PAFAH1B2: variants seen among roughly 807,000 people sequenced by gnomAD.
PAFAH1B2 encodes platelet activating factor acetylhydrolase 1b catalytic subunit 2.
Under a neutral mutation model 28.0 loss-of-function variants are expected in PAFAH1B2, and 8 were observed. That is an observed-to-expected ratio of 0.29 (90% confidence interval 0.17 to 0.52). PAFAH1B2 has a LOEUF of 0.52. PAFAH1B2 is among the 20% of genes least tolerant of loss of function. The pLI is 0.97. For synonymous variants in PAFAH1B2, 104 were observed against 103.2 expected (o/e 1.01, Z -0.05); for missense variants, 190 against 282.6 (o/e 0.67, Z 2.35).
downstream of PAFAH1B2, chr11:117,174,850 G>C: frequency 2.3e-6 from 3 of 1,320,020 alleles, no homozygotes; most frequent in South Asian, 2.8e-5. Context: ...CCTGACTTCA[G>C]ATGATCCAAC....
downstream of PAFAH1B2, chr11:117,171,112 C>T (rs985680294): frequency 2.1e-5 from 21 of 980,568 alleles, no homozygotes; most frequent in African/African-American, 3.5e-4. Context: ...GATGGTTTTT[C>T]CCTGCCTTAT....
At chr11:117,163,068 G>A (rs936929410) in intron 4 of PAFAH1B2, among the ~76,000 whole-genome samples, 3 of 152,160 alleles carry the variant, frequency 2.0e-5, no homozygotes, top group Non-Finnish European at 2.9e-5. Context: ...CCTGCTGCAT[G>A]ATGATATAAT....
At chr11:117,162,441 A>C (rs1591747084) in intron 4 of PAFAH1B2, among the ~76,000 whole-genome samples, 1 of 113,960 alleles carries the variant, frequency 8.8e-6, no homozygotes. Flanking sequence ...ACCATGCGAG[A>C]CTGTGATTTT....
chr11:117,175,206 T>C (rs2029907003), downstream of PAFAH1B2: 2 of 1,103,974 alleles, frequency 1.8e-6, no homozygotes, highest in Non-Finnish European at 2.2e-6. Context: ...GGGAATGCGG[T>C]AGCTGGACCT....
downstream of PAFAH1B2, among the ~76,000 whole-genome samples, chr11:117,177,626 G>A (rs540831167): frequency 2.0e-4 from 31 of 152,352 alleles, no homozygotes; most frequent in South Asian, 6.4e-3. Context: ...CCTCCGCCTG[G>A]TAGAGTTAAG....
downstream of PAFAH1B2, among the ~76,000 whole-genome samples, chr11:117,172,384 ATATATATATATATATATATATTT>A (rs1452157548): frequency 3.6e-3 from 7 of 1,958 alleles, no homozygotes; most frequent in East Asian, 0.083. Flanking sequence ...ATATATATAT[ATATATATATATATATATATATTT>A]TTTTTTTTTT....
intron 2 of PAFAH1B2, among the ~76,000 whole-genome samples, chr11:117,158,230 A>G: frequency 6.6e-6 from 1 of 152,024 alleles, no homozygotes; most frequent in Non-Finnish European, 1.5e-5. Flanking sequence ...TTCATAGTGA[A>G]GGGGTCTCAT....
chr11:117,171,552 TAC>T (rs200906803), downstream of PAFAH1B2: 1,495 of 544,222 alleles, frequency 2.7e-3, 11 homozygotes, highest in Middle Eastern at 0.029. Context: ...AAAAAAAAAA[TAC>T]AGTGTTACTA....
chr11:117,173,395 T>C (rs562282641), downstream of PAFAH1B2, among the ~76,000 whole-genome samples: 1 of 152,322 alleles, frequency 6.6e-6, no homozygotes, highest in African/African-American at 2.4e-5. Flanking sequence ...CCACTGTGAG[T>C]ACTTAGGACA....
rs942713909 is a variant in PAFAH1B2, at chr11:117,168,606, A to C, written c.*907A>C. 1 of 1,062,972 alleles carries C rather than the reference A, an allele frequency of 9.4e-7. No individual in the cohort carries two copies. Among genetic ancestry groups the C allele is most frequent in the Non-Finnish European group, 1.1e-6 (1 of 878,162 alleles). 65.8% of individuals were successfully genotyped at this position (1,062,972 alleles called of 1,614,324 possible). ...ATTCTTGTGTGGTGTTCTGTGCTAT[A>C]GATTCTGTGTATTGCTGTTCATATT... On this transcript the variant is annotated 3_prime_UTR_variant, in exon 6 of 6. Coordinates refer to ENST00000527958, the MANE Select transcript of PAFAH1B2 (RefSeq NM_002572.4).
chr11:117,169,797 T>C lies in PAFAH1B2; in HGVS notation c.*2098T>C. 9.5e-7 allele frequency: 1 copy of C among 1,056,006 alleles called. No individual in the cohort carries two copies. The highest frequency in any genetic ancestry group is 4.6e-5 in the South Asian group (1 of 21,912). 65.4% of individuals were successfully genotyped at this position (1,056,006 alleles called of 1,614,324 possible). The stretch of plus-strand genomic sequence containing the variant: ...CAAGAAGAATTAAGCCAGATTTTTG[T>C]GTGTGGAAAGACAGTTTTCTATCCA... On this transcript the variant is annotated 3_prime_UTR_variant, in exon 6 of 6. Transcript: ENST00000527958.
At chr11:117,172,367 TA>T (rs1956670694), downstream of PAFAH1B2, among the ~76,000 whole-genome samples, 1 of 1,294 alleles carries the variant, frequency 7.7e-4, no homozygotes, top group Non-Finnish European at 1.8e-3. Context: ...TATATATATA[TA>T]TATATATATA....
downstream of PAFAH1B2, among the ~76,000 whole-genome samples, chr11:117,171,211 T>C (rs1228481787): frequency 6.6e-6 from 1 of 152,154 alleles, no homozygotes; most frequent in Admixed American, 6.5e-5. Context: ...TTCTCGGGCA[T>C]GTAGATTGGT....
At chr11:117,153,121 A>G (rs1334465555) in intron 2 of PAFAH1B2, among the ~76,000 whole-genome samples, 2 of 152,342 alleles carry the variant, frequency 1.3e-5, no homozygotes, top group African/African-American at 2.4e-5. Context: ...GACAGGTTGT[A>G]CAAAGGGGGA....
chr11:117,156,721 G>A (rs961473923), intron 2 of PAFAH1B2, among the ~76,000 whole-genome samples: 2 of 152,076 alleles, frequency 1.3e-5, no homozygotes, highest in Non-Finnish European at 2.9e-5. Context: ...TATTTTATTG[G>A]TGTTGAAAGG....
At chr11:117,175,291 C>A, downstream of PAFAH1B2, 1 of 1,073,826 alleles carries the variant, frequency 9.3e-7, no homozygotes, top group Non-Finnish European at 1.1e-6. Flanking sequence ...CTTTGAGACA[C>A]ACCACTGCCT....
At chr11:117,162,617 A>G (rs1001013247) in intron 4 of PAFAH1B2, among the ~76,000 whole-genome samples, 1 of 151,470 alleles carries the variant, frequency 6.6e-6, no homozygotes, top group Admixed American at 6.6e-5. Flanking sequence ...AAAAAAAAAA[A>G]AAAAAGCCAG....
chr11:117,161,046 T>C (rs1956359707), intron 3 of PAFAH1B2, 99 bp from the exon 4 acceptor site: 1 of 771,282 alleles, frequency 1.3e-6, no homozygotes, highest in South Asian at 1.5e-5. Context: ...TATCTTTGAA[T>C]ACAGAAAAAG....
chr11:117,163,969 A>T (rs938220364), intron 5 of PAFAH1B2, 77 bp downstream of exon 5: 1 of 1,474,114 alleles, frequency 6.8e-7, no homozygotes, highest in East Asian at 2.3e-5. Flanking sequence ...GTGATTGCTC[A>T]TGAATATTAG....
Sources: allele counts gnomAD v4.1 joint callset (sites outside exome capture counted in the v4.1 genomes callset), GRCh38; gene constraint gnomAD v4.1.1; transcripts MANE v1.5; gene names NCBI Gene and HGNC (gene_info 2026-07-23, HGNC 2026-07-21).